APP: variants seen among roughly 807,000 people sequenced by gnomAD.
The protein encoded by APP is amyloid beta precursor protein, also known as amyloid-beta precursor protein.
Under a neutral mutation model 101.4 loss-of-function variants are expected in APP, and 31 were observed. That is an observed-to-expected ratio of 0.31 (90% CI 0.23 to 0.41). The LOEUF (loss-of-function observed/expected upper bound fraction) is 0.41. APP is among the 10% of genes least tolerant of loss of function. The pLI is 1.00. For missense variants in APP, 839 were observed against 1,003.7 expected (o/e 0.84, Z 2.22); for synonymous variants, 366 against 364.4 (o/e 1.00, Z -0.05).
chr21:26,097,481 A>G (rs1416667245), intron 2 of APP, among the ~76,000 whole-genome samples: 2 of 145,750 alleles, frequency 1.4e-5, no homozygotes, highest in Non-Finnish European at 3.0e-5. Context: ...CTTAAATAAG[A>G]TATTCTAAAT....
rs757307640 is a variant in APP, at chr21:25,881,798, AAAAAT to A, written c.2212-32_2212-28del. 6 of 1,600,848 alleles carry A rather than the reference AAAAAT, an allele frequency of 3.7e-6. No homozygotes were observed. In the South Asian group the frequency reaches 5.5e-5, roughly 15 times the overall value. On this transcript the variant is annotated intron_variant, in intron 17 of 17. Coordinates refer to ENST00000346798, the MANE Select transcript of APP (RefSeq NM_000484.4). The stretch of plus-strand genomic sequence containing the variant: ...TGAAAAACAAGAGGAGAGCTGAGTA[AAAAAT>A]AAAAATCAATCTTTTAAGGGTGAAC...
At chr21:26,001,423 T>C (rs533034028) in intron 6 of APP, among the ~76,000 whole-genome samples, 2 of 152,256 alleles carry the variant, frequency 1.3e-5, no homozygotes, top group Non-Finnish European at 2.9e-5. Context: ...GATGTCTTCT[T>C]AGTTTTACTG....
At chr21:25,893,030 G>A (rs956364645) in intron 16 of APP, among the ~76,000 whole-genome samples, 1 of 151,816 alleles carries the variant, frequency 6.6e-6, no homozygotes, top group Non-Finnish European at 1.5e-5. Flanking sequence ...GTGAACACAG[G>A]TTCACTTCAT....
chr21:26,071,681 T>C (rs896579080), intron 3 of APP, among the ~76,000 whole-genome samples: 6 of 152,248 alleles, frequency 3.9e-5, no homozygotes, highest in African/African-American at 1.2e-4. Flanking sequence ...AACTGTGGTT[T>C]TTTGAAGAAA....
chr21:25,884,717 G>A (rs1371061079), intron 17 of APP, among the ~76,000 whole-genome samples: 2 of 152,310 alleles, frequency 1.3e-5, no homozygotes, highest in South Asian at 2.1e-4. Flanking sequence ...TCTTGCTTAG[G>A]AGATCAAGCA....
chr21:26,008,491 T>C (rs1044589660), intron 6 of APP, among the ~76,000 whole-genome samples: 6 of 152,196 alleles, frequency 3.9e-5, no homozygotes, highest in Non-Finnish European at 5.9e-5. Flanking sequence ...GACAGGAGTA[T>C]GCTGGGAAAC....
intron 2 of APP, among the ~76,000 whole-genome samples, chr21:26,095,814 A>G (rs1014630687): frequency 2.6e-5 from 4 of 152,228 alleles, no homozygotes; most frequent in African/African-American, 4.8e-5. Context: ...CTAATATGAC[A>G]AGCATTGCAA....
intron 1 of APP, among the ~76,000 whole-genome samples, chr21:26,168,982 G>C (rs1398680191): frequency 6.6e-6 from 1 of 152,034 alleles, no homozygotes; most frequent in Admixed American, 6.5e-5. Context: ...TTTTTCTTTT[G>C]GAAAATTACT....
chr21:26,072,141 G>A (rs1159947218), intron 3 of APP, among the ~76,000 whole-genome samples: 1 of 152,194 alleles, frequency 6.6e-6, no homozygotes, highest in Admixed American at 6.5e-5. Context: ...GCCAACTGGT[G>A]TACCAAGTAT....
intron 9 of APP, among the ~76,000 whole-genome samples, chr21:25,980,435 T>G (rs560420695): frequency 5.5e-5 from 8 of 145,596 alleles, no homozygotes; most frequent in Non-Finnish European, 7.6e-5. Flanking sequence ...GAACAGTGCC[T>G]GTGTCTTTCC....
At chr21:25,903,214 A>G (rs1273158885) in intron 15 of APP, among the ~76,000 whole-genome samples, 1 of 151,696 alleles carries the variant, frequency 6.6e-6, no homozygotes, top group South Asian at 2.1e-4. Flanking sequence ...TGAAAATACA[A>G]AAAAATTAGC....
intron 11 of APP, among the ~76,000 whole-genome samples, chr21:25,959,420 G>A (rs1455475434): frequency 6.6e-5 from 10 of 152,358 alleles, no homozygotes; most frequent in South Asian, 2.1e-4. Flanking sequence ...GCGACAGGAC[G>A]AGACTCCGTC....
At chr21:26,110,817 C>T (rs965587455) in intron 2 of APP, among the ~76,000 whole-genome samples, 1 of 151,820 alleles carries the variant, frequency 6.6e-6, no homozygotes. Context: ...GAAAATGTTG[C>T]CAGGCTATCT....
At chr21:26,034,638 C>CAA (rs201287871) in intron 5 of APP, among the ~76,000 whole-genome samples, 50 of 17,106 alleles carry the variant, frequency 2.9e-3, no homozygotes, top group African/African-American at 5.5e-3. Context: ...CAAGACTTCT[C>CAA]AAAAAAAAAA....
intron 5 of APP, among the ~76,000 whole-genome samples, chr21:26,026,131 A>G (rs1026251051): frequency 5.2e-5 from 8 of 152,390 alleles, no homozygotes; most frequent in South Asian, 2.1e-4. Context: ...TATAAAGCTG[A>G]GCATCATAAA....
intron 6 of APP, among the ~76,000 whole-genome samples, chr21:26,004,783 T>G (rs549520897): frequency 2.6e-5 from 4 of 152,134 alleles, no homozygotes; most frequent in African/African-American, 9.7e-5. Flanking sequence ...GTATTTCTCC[T>G]GATGCTTTCC....
At chr21:25,981,746 A>G (rs1274816397) in intron 9 of APP, among the ~76,000 whole-genome samples, 2 of 148,406 alleles carry the variant, frequency 1.3e-5, no homozygotes, top group Non-Finnish European at 3.0e-5. Flanking sequence ...GCAAAGTATA[A>G]TGAAAGGAGT....
chr21:26,159,336 C>T (rs1010869770), intron 1 of APP, among the ~76,000 whole-genome samples: 1 of 152,172 alleles, frequency 6.6e-6, no homozygotes, highest in African/African-American at 2.4e-5. Flanking sequence ...GCCTTGGCCT[C>T]CCAAAGTGCT....
intron 6 of APP, among the ~76,000 whole-genome samples, chr21:26,001,845 C>CAATACAAATGGAGACTA (rs1380392416): frequency 3.5e-4 from 1 of 2,878 alleles, no homozygotes; most frequent in African/African-American, 1.4e-3. Context: ...AAGGATCCAT[C>CAATACAAATGGAGACTA]ACATCTAGGC....
Sources: allele counts gnomAD v4.1 joint callset (sites outside exome capture counted in the v4.1 genomes callset), GRCh38; gene constraint gnomAD v4.1.1; transcripts MANE v1.5; gene names NCBI Gene and HGNC (gene_info 2026-07-23, HGNC 2026-07-21).